Variants in LRRC49 observed in about 807,000 individuals in gnomAD.
LRRC49 encodes leucine rich repeat containing 49.
A neutral mutation model predicts 83.3 loss-of-function variants in LRRC49; 50 were observed. That is an observed-to-expected ratio of 0.60 (90% CI 0.48 to 0.76). The LOEUF (loss-of-function observed/expected upper bound fraction) is 0.76. Among genes scored for constraint, LRRC49 ranks in the 30% least tolerant of loss-of-function variants. LRRC49 has a pLI of 0.00. For synonymous variants in LRRC49, 286 were observed against 283.3 expected (o/e 1.01, Z -0.10); for missense variants, 704 against 809.1 (o/e 0.87, Z 1.58).
chr15:70,887,084 CAAAAG>C (rs373294363), intron 2 of LRRC49, among the ~76,000 whole-genome samples: 1 of 151,992 alleles, frequency 6.6e-6, no homozygotes, highest in East Asian at 1.9e-4. Flanking sequence ...AATGGATAAA[CAAAAG>C]AACTCTGAAT....
intron 7 of LRRC49, among the ~76,000 whole-genome samples, chr15:70,923,825 C>G (rs2035093770): frequency 6.6e-6 from 1 of 151,820 alleles, no homozygotes; most frequent in Non-Finnish European, 1.5e-5. Flanking sequence ...TTAATATATA[C>G]TTTTTTTCAA....
chr15:71,040,286 T>C (rs1313613246), intron 15 of LRRC49, among the ~76,000 whole-genome samples: 2 of 152,158 alleles, frequency 1.3e-5, no homozygotes, highest in Admixed American at 1.3e-4. Context: ...TTAGCATTAG[T>C]AGTAGGCAGA....
At chr15:70,988,108 T>C (rs1228662600) in intron 11 of LRRC49, among the ~76,000 whole-genome samples, 24 of 151,288 alleles carry the variant, frequency 1.6e-4, no homozygotes, top group Non-Finnish European at 2.8e-4. Context: ...AAAATGTATA[T>C]TCTGTTGATT....
chr15:70,858,953 G>A (rs2032718909), intron 1 of LRRC49: 4 of 814,332 alleles, frequency 4.9e-6, no homozygotes, highest in Admixed American at 3.4e-5. Context: ...ACCTGGAGGT[G>A]GACCCCAACA....
intron 3 of LRRC49, among the ~76,000 whole-genome samples, chr15:70,898,190 A>G (rs926471031): frequency 6.6e-6 from 1 of 152,204 alleles, no homozygotes; most frequent in African/African-American, 2.4e-5. Context: ...CTCTGTATCT[A>G]GCATACAGTG....
At chr15:70,925,150 G>A (rs2035150187) in intron 7 of LRRC49, among the ~76,000 whole-genome samples, 1 of 151,954 alleles carries the variant, frequency 6.6e-6, no homozygotes, top group Admixed American at 6.6e-5. Context: ...CAATTTCATT[G>A]CCTAAATATA....
chr15:70,982,353 G>A (rs2037434298), intron 10 of LRRC49, among the ~76,000 whole-genome samples: 1 of 152,040 alleles, frequency 6.6e-6, no homozygotes, highest in Admixed American at 6.6e-5. Flanking sequence ...AAAAAACAGA[G>A]TTGCTTAGAT....
At chr15:70,925,377 A>C (rs1296944781) in intron 7 of LRRC49, among the ~76,000 whole-genome samples, 1 of 152,154 alleles carries the variant, frequency 6.6e-6, no homozygotes, top group East Asian at 1.9e-4. Context: ...GAATGGCCGC[A>C]ATTCTACCTT....
intron 2 of LRRC49, among the ~76,000 whole-genome samples, chr15:70,883,649 AT>A (rs34016002): frequency 1.3e-3 from 191 of 143,742 alleles, no homozygotes; most frequent in Non-Finnish European, 1.7e-3. Context: ...GTGAAATGGA[AT>A]TTTTTTTTTT....
At chr15:70,960,382 A>G (rs550269340) in intron 8 of LRRC49, among the ~76,000 whole-genome samples, 161 of 152,318 alleles carry the variant, frequency 1.1e-3, no homozygotes, top group African/African-American at 3.7e-3. Context: ...GTTGAGCCCA[A>G]TAACTCATGT....
At chr15:70,865,049 A>G (rs1292765406) in intron 1 of LRRC49, among the ~76,000 whole-genome samples, 1 of 152,156 alleles carries the variant, frequency 6.6e-6, no homozygotes, top group Non-Finnish European at 1.5e-5. Context: ...ATTCTGGAAG[A>G]AGCCTTTTCC....
chr15:71,012,698 G>A, intron 13 of LRRC49, 106 bp from the exon 14 acceptor site: 1 of 655,618 alleles, frequency 1.5e-6, no homozygotes, highest in East Asian at 2.7e-5. Flanking sequence ...GCTTTTGTGG[G>A]CTTAAAAGAT....
At chr15:70,870,385 CT>C (rs11367107) in intron 1 of LRRC49, among the ~76,000 whole-genome samples, 83,082 of 152,132 alleles carry the variant, frequency 0.55, 23,484 homozygotes, top group Middle Eastern at 0.7. Flanking sequence ...TTGGTTACCA[CT>C]TTTTTTGTGA....
At chr15:70,967,952 CTT>C (rs58530738) in intron 9 of LRRC49, among the ~76,000 whole-genome samples, 149 of 141,958 alleles carry the variant, frequency 1.0e-3, no homozygotes, top group African/African-American at 3.5e-3. Context: ...GATGAAGTAA[CTT>C]TTTTTTTTTT....
chr15:70,954,032 C>G lies in LRRC49; in HGVS notation c.774-9753C>G, dbSNP rs114658128. Among the ~76,000 whole-genome samples the G allele has an allele frequency of 9.0e-3, 1,364 of 152,002 alleles. 24 individuals carry two copies. The highest frequency in any genetic ancestry group is 0.03 in the African/African-American group (1,255 of 41,450). On this transcript the variant is annotated intron_variant, in intron 8 of 15. Coordinates refer to ENST00000260382, the MANE Select transcript of LRRC49 (RefSeq NM_017691.5). Reference sequence around the variant, plus strand: ...GCCTCAGTCTCCCGAGTACTTGACTCTACAAGCATGTGCCACCATGCCCAG... The same window carrying G: ...GCCTCAGTCTCCCGAGTACTTGACTGTACAAGCATGTGCCACCATGCCCAG...
At chr15:70,986,353 C>A (rs1002869066) in intron 11 of LRRC49, among the ~76,000 whole-genome samples, 2 of 151,266 alleles carry the variant, frequency 1.3e-5, no homozygotes, top group South Asian at 2.1e-4. Context: ...CCTTCACATC[C>A]CTTGTAAGTT....
At chr15:70,898,230 T>C (rs545016541) in intron 3 of LRRC49, 116 of 571,542 alleles carry the variant, frequency 2.0e-4, no homozygotes, top group African/African-American at 2.0e-3. Flanking sequence ...ATTTAGACCA[T>C]TATACTTCTT....
At chr15:70,955,870 A>G (rs1025820002) in intron 8 of LRRC49, among the ~76,000 whole-genome samples, 1 of 152,188 alleles carries the variant, frequency 6.6e-6, no homozygotes, top group Non-Finnish European at 1.5e-5. Flanking sequence ...CATATATTAT[A>G]CATCTTTCTA....
chr15:70,904,638 A>G lies in LRRC49; in HGVS notation c.383A>G (p.Gln128Arg). 1 of 1,613,456 alleles carries G rather than the reference A, an allele frequency of 6.2e-7. No individual in the cohort carries two copies. The highest frequency in any genetic ancestry group is 8.5e-7 in the Non-Finnish European group (1 of 1,179,422). Residue 128 changes from glutamine (Q) to arginine (R), a missense_variant, in exon 5 of 16, where the codon CAA (glutamine) becomes CGA (arginine). Transcript: ENST00000260382. ...CAACACAATTTTATAACTCGGATAC[A>G]AAATATTTCTAATCTACAGAAGTTA... The part of the protein sequence containing the change: ...NFQHNFITRI[Q>R]NISNLQKLIS...
Sources: allele counts gnomAD v4.1 joint callset (sites outside exome capture counted in the v4.1 genomes callset), GRCh38; gene constraint gnomAD v4.1.1; transcripts MANE v1.5; gene names NCBI Gene and HGNC (gene_info 2026-07-23, HGNC 2026-07-21).